The following ANKRD36C variants were observed in gnomAD, a reference collection of about 807,000 sequenced individuals.
ANKRD36C encodes ankyrin repeat domain 36C.
ANKRD36C carries 61 observed loss-of-function variants against 276.4 expected under a neutral mutation model. The observed-to-expected ratio is 0.22, with a 90% confidence interval of 0.18 to 0.27. The LOEUF is 0.27. Ranked by LOEUF, ANKRD36C falls within the 10% of genes least tolerant of loss-of-function variation. The pLI, the probability that ANKRD36C is intolerant of heterozygous loss-of-function variation, is 1.00. For synonymous variants in ANKRD36C, 483 were observed against 680.1 expected (o/e 0.71, Z 4.51); for missense variants, 1,447 against 2,032.3 (o/e 0.71, Z 5.54).
intron 61 of ANKRD36C, among the ~76,000 whole-genome samples, chr2:95,858,696 C>T (rs1390218217): frequency 6.6e-6 from 1 of 152,176 alleles, no homozygotes; most frequent in Non-Finnish European, 1.5e-5. Flanking sequence ...TGTAAGATAG[C>T]ATTTTCGATG....
chr2:95,924,120 G>T (rs1440100313), intron 30 of ANKRD36C, among the ~76,000 whole-genome samples: 1 of 151,628 alleles, frequency 6.6e-6, no homozygotes, highest in Non-Finnish European at 1.5e-5. Context: ...TCTTTAACTT[G>T]CCTGATAACT....
chr2:95,888,704 G>A (rs558065549), intron 48 of ANKRD36C, among the ~76,000 whole-genome samples: 27 of 151,552 alleles, frequency 1.8e-4, no homozygotes, highest in Non-Finnish European at 2.5e-4. Flanking sequence ...ACACCCCTGT[G>A]GTGTAATAAT....
intron 19 of ANKRD36C, among the ~76,000 whole-genome samples, chr2:95,943,465 C>G (rs1268014501): frequency 8.2e-5 from 12 of 147,086 alleles, no homozygotes; most frequent in South Asian, 6.4e-4. Context: ...GCCTGGGAGA[C>G]AGAGCGAGAC....
At chr2:95,875,424 GC>G (rs1675920483) in intron 59 of ANKRD36C, among the ~76,000 whole-genome samples, 1 of 149,488 alleles carries the variant, frequency 6.7e-6, no homozygotes, top group Admixed American at 6.7e-5. Flanking sequence ...GTAAACTATC[GC>G]AAGGACAAAA....
chr2:95,852,552 T>G (rs1326334582), intron 64 of ANKRD36C: 1 of 188,516 alleles, frequency 5.3e-6, no homozygotes, highest in Non-Finnish European at 1.1e-5. Flanking sequence ...ACAACATTCT[T>G]CTTGCTTTTG....
chr2:95,902,267 C>T (rs1341336589), intron 42 of ANKRD36C, among the ~76,000 whole-genome samples: 1 of 148,876 alleles, frequency 6.7e-6, no homozygotes, highest in African/African-American at 2.5e-5. Context: ...TCCAATTATA[C>T]CATTGTTTCC....
chr2:95,917,779 C>G (rs191649323), intron 36 of ANKRD36C, 76 bp downstream of exon 38: 3 of 1,518,416 alleles, frequency 2.0e-6, no homozygotes, highest in African/African-American at 1.4e-5. Flanking sequence ...AACCGCCCTC[C>G]GCTGATTTAT....
chr2:95,944,584 C>A (rs1179602561), intron 19 of ANKRD36C, 43 bp downstream of exon 19: 15 of 1,516,606 alleles, frequency 9.9e-6, no homozygotes, highest in Non-Finnish European at 1.3e-5. Context: ...CAGGACTGGA[C>A]TCTGATTATT....
Position 95,925,556 on chromosome 2 carries a change from T to C in ANKRD36C, c.1940-9A>G. ...TTGTTTCTGAGGAGACACTGAAAAG[T>C]AAAAGAAATATATAATTCATCATAT... On this transcript the variant is annotated splice_polypyrimidine_tract_variant and intron_variant, in intron 28 of 66. Coordinates refer to ENST00000456556, the Ensembl canonical transcript of ANKRD36C. 2 of 1,542,056 alleles carry C rather than the reference T, an allele frequency of 1.3e-6. No homozygotes were observed. Among genetic ancestry groups the C allele is most frequent in the African/African-American group, 1.4e-5 (1 of 72,396 alleles).
chr2:95,969,376 A>G (rs574135418), intron 6 of ANKRD36C, among the ~76,000 whole-genome samples: 291 of 152,302 alleles, frequency 1.9e-3, no homozygotes, highest in Non-Finnish European at 3.3e-3. Flanking sequence ...GGTTTTACTG[A>G]CTGCAGATTC....
At chr2:95,864,060 A>G (rs975186136) in intron 60 of ANKRD36C, among the ~76,000 whole-genome samples, 1 of 151,966 alleles carries the variant, frequency 6.6e-6, no homozygotes, top group Non-Finnish European at 1.5e-5. Flanking sequence ...GAGGCTAAAC[A>G]TGTATTGGAT....
rs747586996 is a variant in ANKRD36C, at chr2:95,893,714, C to G, written c.2756-1854G>C. 14 of 1,605,654 alleles carry G rather than the reference C, an allele frequency of 8.7e-6. No homozygotes were observed. The South Asian group carries it at 1.5e-4, about 18-fold the overall frequency. The stretch of plus-strand genomic sequence containing the variant: ...TCATTACCTTCAAGGCTGGTGGTTT[C>G]TGAGAAGACACTGAAAAGCAAAAGG... On this transcript the variant is annotated intron_variant, in intron 44 of 66. Transcript: ENST00000456556.
intron 42 of ANKRD36C, among the ~76,000 whole-genome samples, 154 bp from the exon 47 acceptor site, chr2:95,908,851 A>G (rs553710413): frequency 1.7e-3 from 259 of 151,316 alleles, no homozygotes; most frequent in African/African-American, 4.5e-3. Flanking sequence ...AGAACATGAC[A>G]GAAATACGCT....
intron 3 of ANKRD36C, among the ~76,000 whole-genome samples, chr2:95,983,202 T>G (rs1161692135): frequency 6.6e-6 from 1 of 151,658 alleles, no homozygotes; most frequent in African/African-American, 2.4e-5. Flanking sequence ...CCTCTCTCTC[T>G]TTAATTCGGA....
intron 19 of ANKRD36C, among the ~76,000 whole-genome samples, chr2:95,943,497 T>A (rs979518121): frequency 3.3e-5 from 5 of 150,340 alleles, no homozygotes; most frequent in South Asian, 2.1e-4. Context: ...AAAAAAAAAA[T>A]TAACCAGAAA....
At chr2:95,880,906 CA>C (rs1390220814) in intron 56 of ANKRD36C, among the ~76,000 whole-genome samples, 1 of 152,166 alleles carries the variant, frequency 6.6e-6, no homozygotes, top group African/African-American at 2.4e-5. Flanking sequence ...TACTGATTAA[CA>C]AGGAGAAATG....
chr2:95,918,015 T>C (rs1424165446), exon 35 of ANKRD36C: 2 of 1,600,502 alleles, frequency 1.2e-6, no homozygotes, highest in East Asian at 2.3e-5. Flanking sequence ...TTTAATTACC[T>C]TCAAGGCTGG....
At chr2:95,958,493 T>C (rs201882631) in intron 12 of ANKRD36C, 98 bp downstream of exon 12, 2 of 1,309,080 alleles carry the variant, frequency 1.5e-6, no homozygotes, top group Non-Finnish European at 2.0e-6. Context: ...TGAATCAGAA[T>C]GCGCAGCTTC....
At chr2:95,913,951 G>A (rs1200124504) in intron 40 of ANKRD36C, among the ~76,000 whole-genome samples, 157 bp downstream of exon 42, 1 of 151,492 alleles carries the variant, frequency 6.6e-6, no homozygotes, top group Non-Finnish European at 1.5e-5. Context: ...CAGACCAGCA[G>A]CATCAGCATC....
Sources: gnomAD v4.1 joint callset for allele counts (sites outside exome capture counted in the v4.1 genomes callset) on GRCh38, gnomAD v4.1.1 for gene constraint, MANE v1.5 for transcripts, NCBI Gene and HGNC (gene_info 2026-07-23, HGNC 2026-07-21) for gene names.